The following NCOA2 variants were observed in gnomAD, a reference collection of about 807,000 sequenced individuals.
NCOA2 encodes nuclear receptor coactivator 2.
In NCOA2, 21 loss-of-function variants were observed where a neutral mutation model predicts 145.1. That is an observed-to-expected ratio of 0.14 (90% CI 0.10 to 0.21). The LOEUF (loss-of-function observed/expected upper bound fraction) is 0.21, where lower values mean the gene tolerates loss of function less well. NCOA2 is among the 10% of genes least tolerant of loss of function. The probability of loss-of-function intolerance (pLI) is 1.00; values close to 1 mark genes in which losing one functional copy is unlikely to be tolerated. For synonymous variants in NCOA2, 619 were observed against 637.5 expected (o/e 0.97, Z 0.44); for missense variants, 1,472 against 1,837.6 (o/e 0.80, Z 3.64).
At chr8:70,211,454 A>C (rs1819012086) in intron 4 of NCOA2, among the ~76,000 whole-genome samples, 1 of 146,276 alleles carries the variant, frequency 6.8e-6, no homozygotes, top group South Asian at 2.2e-4. Context: ...GCAAGACTCC[A>C]AAAAAAAAAA....
the NCOA2 span, among the ~76,000 whole-genome samples, chr8:70,453,784 G>C: frequency 6.6e-6 from 1 of 152,100 alleles, no homozygotes. Flanking sequence ...TCAAACACTG[G>C]ATATTTGCCC....
intron 22 of NCOA2, 118 bp downstream of exon 22, chr8:70,121,184 G>T: frequency 1.2e-6 from 1 of 804,088 alleles, no homozygotes. Flanking sequence ...GAAACCAGAA[G>T]ATATTTTACG....
chr8:70,294,444 A>G (rs896077089), intron 2 of NCOA2, among the ~76,000 whole-genome samples: 1 of 152,158 alleles, frequency 6.6e-6, no homozygotes, highest in Non-Finnish European at 1.5e-5. Flanking sequence ...GCTGTCCCCC[A>G]TGCCCCTACC....
At chr8:70,167,886 T>TA (rs928385285) in intron 6 of NCOA2, among the ~76,000 whole-genome samples, 5 of 152,040 alleles carry the variant, frequency 3.3e-5, no homozygotes, top group Non-Finnish European at 5.9e-5. Context: ...ATTTGACACA[T>TA]AAAAAAAATC....
chr8:70,192,472 T>C (rs1816797128), intron 4 of NCOA2, among the ~76,000 whole-genome samples: 2 of 152,236 alleles, frequency 1.3e-5, no homozygotes, highest in African/African-American at 4.8e-5. Flanking sequence ...GCTTCCAGCC[T>C]GTGCATACAC....
At chr8:70,290,709 A>C (rs1391025918) in intron 2 of NCOA2, among the ~76,000 whole-genome samples, 1 of 152,228 alleles carries the variant, frequency 6.6e-6, no homozygotes, top group Non-Finnish European at 1.5e-5. Flanking sequence ...AAATAAAAAA[A>C]ACTTAATTGC....
chr8:70,228,905 G>A (rs1242375444), intron 2 of NCOA2, among the ~76,000 whole-genome samples: 1 of 152,200 alleles, frequency 6.6e-6, no homozygotes, highest in Non-Finnish European at 1.5e-5. Context: ...GAATGACGTG[G>A]AGAAAACTAA....
In NCOA2 at chr8:70,156,017, G is replaced by C; in HGVS notation, c.2348C>G (p.Ala783Gly). ...CATCTCCTCCTTCTCAGTTTTCATT[G>C]CTATTAATTTTGTGTTACTGGCAGG... The part of the protein sequence containing the change: ...TDPASNTKLI[A>G]MKTEKEEMSF... The change falls in exon 11 of 23, where the codon GCA becomes GGA. Residue 783 changes from alanine (A) to glycine (G), a missense_variant. By Grantham distance (60) the Ala-to-Gly change is moderately conservative. Transcript: ENST00000452400. The C allele has an allele frequency of 6.2e-7, 1 of 1,601,244 alleles. No homozygotes were observed. The highest frequency in any genetic ancestry group is 1.1e-5 in the South Asian group (1 of 88,780).
chr8:70,134,488 A>C (rs1170344463), intron 15 of NCOA2, among the ~76,000 whole-genome samples: 1 of 152,194 alleles, frequency 6.6e-6, no homozygotes, highest in African/African-American at 2.4e-5. Context: ...GTTTCTTTGG[A>C]AGCTGCATTC....
At chr8:70,358,572 T>C (rs549657635) in intron 1 of NCOA2, among the ~76,000 whole-genome samples, 4 of 152,176 alleles carry the variant, frequency 2.6e-5, no homozygotes, top group South Asian at 2.1e-4. Flanking sequence ...AAAAATGAAA[T>C]TGAACCCCCA....
intron 4 of NCOA2, among the ~76,000 whole-genome samples, chr8:70,200,276 C>CCTCTTTATAT (rs1817748796): frequency 6.6e-6 from 1 of 152,018 alleles, no homozygotes; most frequent in African/African-American, 2.4e-5. Flanking sequence ...ATAAGGTACA[C>CCTCTTTATAT]GTATGTACCT....
At position 70,113,067 on chromosome 8, in the gene NCOA2, C is replaced by T. The variant is rs994632260; in HGVS notation, c.*565G>A. The T allele has an allele frequency of 1.0e-5, 2 of 199,708 alleles. No homozygotes were observed. The highest frequency in any genetic ancestry group is 2.3e-5 in the African/African-American group (1 of 43,484). The allele number at this position is 199,708 out of a possible 1,614,324, so 12.4% of individuals were successfully genotyped here. A position where few individuals can be genotyped will look rare whatever the true frequency, so the allele number is the denominator to read the frequency against. ...ACGACTGTGACTTTGTTGGTCTTCACGCACTGGGTGTGTCTGTAAATACAG... is the reference window on the plus strand; with the variant it reads ...ACGACTGTGACTTTGTTGGTCTTCATGCACTGGGTGTGTCTGTAAATACAG... On this transcript the variant is annotated 3_prime_UTR_variant, in exon 23 of 23. Transcript: ENST00000452400.
In NCOA2 at chr8:70,111,578, C is replaced by T; in HGVS notation, c.*2054G>A. The T allele has an allele frequency of 4.6e-6, 1 of 216,496 alleles. No homozygotes were observed. Among genetic ancestry groups the T allele is most frequent in the Non-Finnish European group, 9.3e-6 (1 of 107,610 alleles). The allele number at this position is 216,496 out of a possible 1,614,324, so 13.4% of individuals were successfully genotyped here. ...GCCACTGAGAAGTGTTGTTCCTTGG[C>T]CACCTCCCTGTATTGAGACCCCTCT... On this transcript the variant is annotated 3_prime_UTR_variant, in exon 23 of 23. Coordinates refer to ENST00000452400, the MANE Select transcript of NCOA2 (RefSeq NM_006540.4).
At chr8:70,185,860 A>C (rs894256055) in intron 4 of NCOA2, among the ~76,000 whole-genome samples, 2 of 152,164 alleles carry the variant, frequency 1.3e-5, no homozygotes, top group South Asian at 2.1e-4. Flanking sequence ...TTTTTTGGCA[A>C]TTTGAGCAGT....
chr8:70,406,150 C>T (rs1002559329), upstream of NCOA2, among the ~76,000 whole-genome samples: 1 of 152,170 alleles, frequency 6.6e-6, no homozygotes, highest in African/African-American at 2.4e-5. Flanking sequence ...TGCTATAGCA[C>T]CTAACAAGGA....
At chr8:70,408,053 C>A (rs1340087422), upstream of NCOA2, among the ~76,000 whole-genome samples, 1 of 152,090 alleles carries the variant, frequency 6.6e-6, no homozygotes, top group African/African-American at 2.4e-5. Context: ...ATTCATACCT[C>A]CCTTATTTCT....
chr8:70,267,691 G>A (rs1170199632), intron 2 of NCOA2, among the ~76,000 whole-genome samples: 2 of 151,940 alleles, frequency 1.3e-5, no homozygotes, highest in East Asian at 3.9e-4. Context: ...TGAAAGAAAG[G>A]AATACCTACA....
intron 14 of NCOA2, among the ~76,000 whole-genome samples, chr8:70,139,268 G>A (rs568009650): frequency 6.6e-6 from 1 of 152,104 alleles, no homozygotes; most frequent in Admixed American, 6.5e-5. Flanking sequence ...AAAAATCAGA[G>A]AAACTCAGCT....
intron 1 of NCOA2, among the ~76,000 whole-genome samples, chr8:70,320,954 C>T (rs1806001783): frequency 6.6e-6 from 1 of 151,978 alleles, no homozygotes; most frequent in Non-Finnish European, 1.5e-5. Flanking sequence ...TTTTGAAATC[C>T]TTTTATTATC....
Sources: allele counts gnomAD v4.1 joint callset (sites outside exome capture counted in the v4.1 genomes callset), GRCh38; gene constraint gnomAD v4.1.1; transcripts MANE v1.5; gene names NCBI Gene and HGNC (gene_info 2026-07-23, HGNC 2026-07-21).